Variants in MUSK observed in about 807,000 individuals in gnomAD.
The protein encoded by MUSK is muscle associated receptor tyrosine kinase.
MUSK carries 55 observed loss-of-function variants against 88.7 expected under a neutral mutation model. The ratio of observed to expected loss-of-function variants is 0.62; its 90% CI spans 0.50 to 0.78. The LOEUF (loss-of-function observed/expected upper bound fraction) is 0.78, where lower values mean the gene tolerates loss of function less well. MUSK is among the 30% of genes least tolerant of loss of function. MUSK has a pLI of 0.00. For synonymous variants in MUSK, 387 were observed against 391.9 expected, an observed-to-expected ratio of 0.99 and a Z score of 0.15; for missense variants, 1,015 against 1,074.3, an observed-to-expected ratio of 0.94 and a Z score of 0.77.
chr9:110,708,091 C>CCTATCTATCTAT lies in MUSK; in HGVS notation c.628+10663_628+10674dup, dbSNP rs34403055. ...TTCCAAAAGATGAAAATAAATAATT[C>CCTATCTATCTAT]CTATCTATCTATCTATCTATCTATC... On this transcript the variant is annotated intron_variant, in intron 5 of 14. Coordinates refer to ENST00000374448, the MANE Select transcript of MUSK (RefSeq NM_005592.4). 2.6e-3 allele frequency among the ~76,000 whole-genome samples: 392 copies of CCTATCTATCTAT among 148,684 alleles called. 1 individual carries two copies. The highest frequency in any genetic ancestry group is 4.6e-3 in the East Asian group (23 of 4,956).
intron 5 of MUSK, among the ~76,000 whole-genome samples, chr9:110,701,130 G>A (rs539452313): frequency 2.0e-5 from 3 of 152,274 alleles, no homozygotes; most frequent in Admixed American, 1.3e-4. Context: ...AGGATGAAGT[G>A]AGTTCTAAAA....
chr9:110,797,919 T>C (rs1310725962), intron 14 of MUSK, among the ~76,000 whole-genome samples: 1 of 152,234 alleles, frequency 6.6e-6, no homozygotes, highest in Non-Finnish European at 1.5e-5. Context: ...TGAAATTGAT[T>C]CAAACAGAAA....
At chr9:110,751,449 A>G (rs957795361) in intron 7 of MUSK, among the ~76,000 whole-genome samples, 4 of 152,176 alleles carry the variant, frequency 2.6e-5, no homozygotes, top group Admixed American at 2.6e-4. Context: ...GAAAAATAAC[A>G]GTGGAATTTG....
At chr9:110,696,025 C>T (rs1443937649) in intron 4 of MUSK, among the ~76,000 whole-genome samples, 1 of 152,072 alleles carries the variant, frequency 6.6e-6, no homozygotes, top group Non-Finnish European at 1.5e-5. Context: ...AGAGTAGTCA[C>T]GCCTGTAATT....
chr9:110,676,364 T>TTTATATATATATATA (rs2076030093), intron 1 of MUSK, among the ~76,000 whole-genome samples: 1 of 124,306 alleles, frequency 8.0e-6, no homozygotes, highest in African/African-American at 2.7e-5. Flanking sequence ...TATTATATAT[T>TTTATATATATATATA]ATATATGTGT....
chr9:110,752,733 T>C (rs2077263389), intron 7 of MUSK, among the ~76,000 whole-genome samples: 1 of 152,266 alleles, frequency 6.6e-6, no homozygotes, highest in Admixed American at 6.5e-5. Flanking sequence ...GGATTATGTC[T>C]AATGATATTT....
chr9:110,755,523 T>G (rs954772089), intron 7 of MUSK, among the ~76,000 whole-genome samples: 1 of 152,142 alleles, frequency 6.6e-6, no homozygotes, highest in Non-Finnish European at 1.5e-5. Context: ...CTTGCCCTTC[T>G]CAAGAGCAAA....
chr9:110,785,578 T>C lies in MUSK; in HGVS notation c.1638T>C (p.Asp546=), dbSNP rs751769777. ...LTTLPSELLL[D]RLHPNPMYQR... ...CACTGCCTTCTGAGCTCTTACTAGATAGACTTCATCCCAACCCCATGTACC... is the reference window on the plus strand; with the variant it reads ...CACTGCCTTCTGAGCTCTTACTAGACAGACTTCATCCCAACCCCATGTACC... The change falls in exon 13 of 15, where the codon GAT becomes GAC. Residue 546 remains aspartate (D), a synonymous_variant. Coordinates refer to ENST00000374448, the MANE Select transcript of MUSK (RefSeq NM_005592.4). The C allele has an allele frequency of 1.9e-5, 31 of 1,613,282 alleles. No individual in the cohort carries two copies. The highest frequency in any genetic ancestry group is 2.4e-5 in the Non-Finnish European group (28 of 1,179,542).
chr9:110,719,052 C>A (rs962820836), intron 5 of MUSK, among the ~76,000 whole-genome samples: 2 of 152,042 alleles, frequency 1.3e-5, no homozygotes, highest in African/African-American at 2.4e-5. Flanking sequence ...ACAAAGCCAG[C>A]ACTACAATCT....
intron 7 of MUSK, 48 bp from the exon 8 acceptor site, chr9:110,762,154 T>G: frequency 5.1e-6 from 7 of 1,368,790 alleles, no homozygotes; most frequent in African/African-American, 1.5e-5. Flanking sequence ...GTTCTTTCTT[T>G]TCTCCTTTAA....
chr9:110,768,352 G>T (rs891405686), intron 9 of MUSK, among the ~76,000 whole-genome samples: 1 of 152,102 alleles, frequency 6.6e-6, no homozygotes, highest in East Asian at 1.9e-4. Flanking sequence ...ACAAAAATTA[G>T]CCAGGTGTGG....
At chr9:110,742,433 G>C (rs2077114763) in intron 6 of MUSK, among the ~76,000 whole-genome samples, 1 of 152,096 alleles carries the variant, frequency 6.6e-6, no homozygotes, top group Non-Finnish European at 1.5e-5. Flanking sequence ...TCCAGTCTGG[G>C]CAACAGAGAG....
intron 3 of MUSK, among the ~76,000 whole-genome samples, chr9:110,691,020 G>A (rs770072337): frequency 6.6e-6 from 1 of 150,874 alleles, no homozygotes; most frequent in Non-Finnish European, 1.5e-5. Context: ...ATGTGCCACC[G>A]GACCCTGCTA....
chr9:110,680,324 A>G (rs894043609), intron 1 of MUSK, among the ~76,000 whole-genome samples: 2 of 151,416 alleles, frequency 1.3e-5, no homozygotes, highest in Non-Finnish European at 2.9e-5. Context: ...GATTTTATTT[A>G]TCTTTAATTT....
rs145721220 is a variant in MUSK, at chr9:110,800,457, G to A, written c.2079G>A (p.Gly693=). The change falls in exon 15 of 15, where the codon GGG becomes GGA. Residue 693 remains glycine (G), a synonymous_variant. Coordinates refer to ENST00000374448, the MANE Select transcript of MUSK (RefSeq NM_005592.4). ...TGAGGGCTCAGGTCTCCAGCCCTGGGCCCCCACCCCTCTCCTGTGCTGAGC... is the reference window on the plus strand; with the variant it reads ...TGAGGGCTCAGGTCTCCAGCCCTGGACCCCCACCCCTCTCCTGTGCTGAGC... ...LSMRAQVSSP[G]PPPLSCAEQL... is the part of the protein sequence containing the mutation. 6.2e-7 allele frequency: 1 copy of A among 1,613,846 alleles called. No individual in the cohort carries two copies. The highest frequency in any genetic ancestry group is 1.3e-5 in the African/African-American group (1 of 74,990).
chr9:110,738,243 C>G (rs1001186813), intron 6 of MUSK, among the ~76,000 whole-genome samples: 1 of 151,834 alleles, frequency 6.6e-6, no homozygotes, highest in East Asian at 1.9e-4. Context: ...TATATATTTA[C>G]TTTTCTTAAT....
Position 110,742,080 on chromosome 9 carries a change from T to C in MUSK, c.754-5561T>C, listed in dbSNP as rs2077107444. 3.3e-5 allele frequency among the ~76,000 whole-genome samples: 5 copies of C among 152,188 alleles called. No individual in the cohort carries two copies. In the South Asian group the frequency reaches 1.0e-3, roughly 32 times the overall value. On this transcript the variant is annotated intron_variant, in intron 6 of 14. Coordinates refer to ENST00000374448, the MANE Select transcript of MUSK (RefSeq NM_005592.4). Reference sequence around the variant, plus strand: ...AGTGTCATTTAAAATTTGATTCTTATTTGTCAATGTGTTTTTTGGCTCCTC... The same window carrying C: ...AGTGTCATTTAAAATTTGATTCTTACTTGTCAATGTGTTTTTTGGCTCCTC...
Position 110,681,445 on chromosome 9 carries a change from A to G in MUSK, c.80-1229A>G, listed in dbSNP as rs2076135676. ...AACATGATCCCTGACCTAAAGCTCA[A>G]GGTTTTAATAATTGAGTGTGGGTCA... is the stretch of plus-strand genomic sequence containing the variant. On this transcript the variant is annotated intron_variant, in intron 1 of 14. Coordinates refer to ENST00000374448, the MANE Select transcript of MUSK (RefSeq NM_005592.4). 2.0e-5 allele frequency among the ~76,000 whole-genome samples: 3 copies of G among 151,684 alleles called. No individual in the cohort carries two copies. The Admixed American group carries it at 2.0e-4, about 10-fold the overall frequency.
chr9:110,749,105 C>G (rs1270305994), intron 7 of MUSK, among the ~76,000 whole-genome samples: 1 of 152,124 alleles, frequency 6.6e-6, no homozygotes, highest in Admixed American at 6.5e-5. Context: ...TTACATAGCA[C>G]TTTGCTGTTT....
Sources: allele counts gnomAD v4.1 joint callset (sites outside exome capture counted in the v4.1 genomes callset), GRCh38; gene constraint gnomAD v4.1.1; transcripts MANE v1.5; gene names NCBI Gene and HGNC (gene_info 2026-07-23, HGNC 2026-07-21).